Variants in SNX29 observed in about 807,000 individuals in gnomAD.
SNX29 encodes the protein sorting nexin-29.
Under a neutral mutation model 102.1 loss-of-function variants are expected in SNX29, and 78 were observed. The observed-to-expected ratio is 0.76, with a 90% confidence interval of 0.64 to 0.92. The LOEUF (loss-of-function observed/expected upper bound fraction) is 0.92, where lower values mean the gene tolerates loss of function less well. Among genes scored for constraint, SNX29 ranks in the 40% least tolerant of loss-of-function variants. SNX29 has a pLI of 0.00. For synonymous variants in SNX29, 580 were observed against 414.5 expected (o/e 1.40, Z -4.85); for missense variants, 1,280 against 1,061.7 (o/e 1.21, Z -2.86).
intron 13 of SNX29, among the ~76,000 whole-genome samples, chr16:12,143,577 G>C (rs1365361935): frequency 6.6e-6 from 1 of 152,160 alleles, no homozygotes; most frequent in Non-Finnish European, 1.5e-5. Flanking sequence ...GGTGGTAACA[G>C]ACCCTCCCTT....
rs111440222 is a variant in SNX29 at position 12,076,773 on chromosome 16, A to T, written c.1320-2060A>T. On this transcript the variant is annotated intron_variant, in intron 10 of 20. Coordinates refer to ENST00000566228, the MANE Select transcript of SNX29 (RefSeq NM_032167.5). ...ATTTGGGGTCCCAGGGTGCTATTAC[A>T]TCCTTATTTTCAAACCTAGCTCTAG... Among the ~76,000 whole-genome samples the T allele has an allele frequency of 9.1e-3, 1,389 of 152,194 alleles. 12 individuals are homozygous for T. Among genetic ancestry groups the T allele is most frequent in the South Asian group, 0.054 (259 of 4,816 alleles).
intron 15 of SNX29, among the ~76,000 whole-genome samples, chr16:12,295,116 C>T (rs763980944): frequency 6.6e-6 from 1 of 152,238 alleles, no homozygotes; most frequent in Non-Finnish European, 1.5e-5. Context: ...ATTATCCCCC[C>T]ACTGGTTCTT....
intron 11 of SNX29, among the ~76,000 whole-genome samples, chr16:12,093,246 C>A (rs1374988948): frequency 6.6e-6 from 1 of 152,148 alleles, no homozygotes; most frequent in Admixed American, 6.6e-5. Flanking sequence ...TGTCAGTGAT[C>A]ACGGCAAGTT....
At chr16:12,432,843 G>C (rs949158705) in intron 18 of SNX29, among the ~76,000 whole-genome samples, 9 of 152,230 alleles carry the variant, frequency 5.9e-5, no homozygotes, top group Non-Finnish European at 1.2e-4. Flanking sequence ...CCGGGGAGCA[G>C]GGCTCCCCAC....
intron 14 of SNX29, among the ~76,000 whole-genome samples, chr16:12,221,777 C>T (rs1011630326): frequency 1.3e-5 from 2 of 152,308 alleles, no homozygotes; most frequent in East Asian, 3.9e-4. Context: ...GCCCTGCATG[C>T]GTTGGTCCTG....
chr16:12,314,383 A>G (rs1269506294), intron 15 of SNX29, among the ~76,000 whole-genome samples: 1 of 152,250 alleles, frequency 6.6e-6, no homozygotes, highest in African/African-American at 2.4e-5. Context: ...GAAGCAGCAC[A>G]GAGTGGTGGT....
intron 15 of SNX29, among the ~76,000 whole-genome samples, chr16:12,334,727 CA>C (rs1186436558): frequency 2.0e-5 from 3 of 152,144 alleles, no homozygotes; most frequent in African/African-American, 7.2e-5. Flanking sequence ...AAAGCTCCCA[CA>C]TAGGTGGGTG....
At chr16:12,496,985 T>C (rs1485260631) in intron 19 of SNX29, among the ~76,000 whole-genome samples, 1 of 152,132 alleles carries the variant, frequency 6.6e-6, no homozygotes, top group Admixed American at 6.5e-5. Context: ...TCACCACTGT[T>C]GGGAAGGGGT....
chr16:12,205,014 C>A (rs1320376731), intron 14 of SNX29, among the ~76,000 whole-genome samples: 3 of 152,152 alleles, frequency 2.0e-5, no homozygotes, highest in African/African-American at 7.2e-5. Flanking sequence ...TCCACACCTG[C>A]GTGTGTTTTG....
At chr16:12,548,740 T>G (rs974792321) in intron 20 of SNX29, among the ~76,000 whole-genome samples, 3 of 151,986 alleles carry the variant, frequency 2.0e-5, no homozygotes, top group African/African-American at 7.3e-5. Context: ...GGCTCCAAGG[T>G]GTTTTCTGTG....
intron 15 of SNX29, among the ~76,000 whole-genome samples, chr16:12,355,312 C>T (rs1019906297): frequency 1.3e-5 from 2 of 152,172 alleles, no homozygotes; most frequent in African/African-American, 4.8e-5. Flanking sequence ...CAGAGCTTCT[C>T]CCTGTATCCC....
In SNX29 at chr16:12,355,858, AAAAAAAAAAAAAAAAAAAG is replaced by A. The variant is rs1567471809; in HGVS notation, c.1783-303_1783-285del. Reference sequence around the variant, plus strand: ...GAGATCTTATTAAAAAAAAAAAAAAAAAAAAAAAAAAAAAAAAAGAGAGAGGAAAAAAAAAGCCCAAGGT... The same window carrying A: ...GAGATCTTATTAAAAAAAAAAAAAAAAGAGAGGAAAAAAAAAGCCCAAGGT... On this transcript the variant is annotated intron_variant, in intron 15 of 20. Transcript: ENST00000566228. Among the ~76,000 whole-genome samples, 8 of 149,494 alleles carry A rather than the reference AAAAAAAAAAAAAAAAAAAG, an allele frequency of 5.4e-5. No homozygotes were observed. The South Asian group carries it at 6.5e-4, about 12-fold the overall frequency.
In SNX29 at chr16:12,568,532, TG is replaced by T; in HGVS notation, c.2346del (p.Asn783ThrfsTer61). 6.2e-7 allele frequency: 1 copy of T among 1,609,914 alleles called. No homozygotes were observed. Among genetic ancestry groups the T allele is most frequent in the Non-Finnish European group, 8.5e-7 (1 of 1,179,832 alleles). ...FVDITPPGEP[V>X]NSRPKAASRF... The stretch of plus-strand genomic sequence containing the variant: ...GACATCACCCCGCCCGGAGAGCCTG[TG>T]AACAGCCGGCCCAAAGCAGCTTCCC... On this transcript the variant is annotated frameshift_variant, in exon 21 of 21. Transcript: ENST00000566228. LOFTEE classifies it high-confidence loss of function.
chr16:12,198,834 G>A (rs1345625335), intron 13 of SNX29, among the ~76,000 whole-genome samples: 1 of 152,240 alleles, frequency 6.6e-6, no homozygotes, highest in Non-Finnish European at 1.5e-5. Context: ...TCCGCTGAAT[G>A]ACGGATGGAT....
intron 15 of SNX29, among the ~76,000 whole-genome samples, chr16:12,283,437 A>G (rs2079497554): frequency 6.6e-6 from 1 of 151,416 alleles, no homozygotes; most frequent in South Asian, 2.1e-4. Context: ...CTTCTGTCTC[A>G]GGCTCCTGAG....
chr16:12,554,119 T>C (rs558837076), intron 20 of SNX29, among the ~76,000 whole-genome samples: 1 of 152,374 alleles, frequency 6.6e-6, no homozygotes, highest in Non-Finnish European at 1.5e-5. Flanking sequence ...TAAGCCACCA[T>C]GCCCAGCCTG....
rs915511134 is a variant in SNX29, at chr16:12,570,125, C to A, written c.*1496C>A. 1.4e-5 allele frequency: 15 copies of A among 1,046,712 alleles called. No individual in the cohort carries two copies. The highest frequency in any genetic ancestry group is 1.7e-5 in the Non-Finnish European group (15 of 862,642). The allele number at this position is 1,046,712 out of a possible 1,614,324, so 64.8% of individuals were successfully genotyped here. A position where few individuals can be genotyped will look rare whatever the true frequency, so the allele number is the denominator to read the frequency against. ...AGCAAAAAGGAAGATTGTTCATGGCCTTTAAGGAAGGCTGAGATCACTCAC... is the reference window on the plus strand; with the variant it reads ...AGCAAAAAGGAAGATTGTTCATGGCATTTAAGGAAGGCTGAGATCACTCAC... On this transcript the variant is annotated 3_prime_UTR_variant, in exon 21 of 21. Coordinates refer to ENST00000566228, the MANE Select transcript of SNX29 (RefSeq NM_032167.5).
chr16:12,538,095 C>G (rs551264166), intron 20 of SNX29, among the ~76,000 whole-genome samples: 1 of 150,190 alleles, frequency 6.7e-6, no homozygotes, highest in Admixed American at 6.7e-5. Flanking sequence ...TAAGCAAATT[C>G]ACAGCTTTCT....
chr16:12,081,244 A>G (rs1339349996), intron 11 of SNX29: 2 of 152,204 alleles, frequency 1.3e-5, no homozygotes, highest in Non-Finnish European at 2.9e-5. Flanking sequence ...TGTGGCAAGT[A>G]TCTCAGTCTT....
Sources: allele counts gnomAD v4.1 joint callset (sites outside exome capture counted in the v4.1 genomes callset), GRCh38; gene constraint gnomAD v4.1.1; transcripts MANE v1.5; gene names NCBI Gene and HGNC (gene_info 2026-07-23, HGNC 2026-07-21).